Variants in UGCG observed in about 807,000 individuals in gnomAD.
UGCG encodes the protein UDP-glucose ceramide glucosyltransferase, also known as ceramide glucosyltransferase.
A neutral mutation model predicts 49.5 loss-of-function variants in UGCG; 10 were observed. The observed-to-expected ratio is 0.20, with a 90% CI of 0.12 to 0.34. The LOEUF (loss-of-function observed/expected upper bound fraction) is 0.34, where lower values mean the gene tolerates loss of function less well. Among genes scored for constraint, UGCG ranks in the 10% least tolerant of loss-of-function variants. UGCG has a pLI of 1.00. For missense variants in UGCG, 312 were observed against 483.7 expected (o/e 0.65, Z 3.33); for synonymous variants, 182 against 158.2 (o/e 1.15, Z -1.13).
At chr9:111,902,491 T>C (rs116931840) in intron 1 of UGCG, among the ~76,000 whole-genome samples, 3,511 of 152,354 alleles carry the variant, frequency 0.023, 43 homozygotes, top group Non-Finnish European at 0.027. Context: ...AACAGTAATA[T>C]AGTCATGAGT....
intron 2 of UGCG, among the ~76,000 whole-genome samples, chr9:111,919,852 A>G (rs1838188917): frequency 6.6e-6 from 1 of 151,978 alleles, no homozygotes; most frequent in African/African-American, 2.4e-5. Context: ...AACTCTTTAG[A>G]GCAAGCCTGG....
At chr9:111,902,187 G>T (rs1354523454) in intron 1 of UGCG, among the ~76,000 whole-genome samples, 2 of 151,888 alleles carry the variant, frequency 1.3e-5, no homozygotes, top group Non-Finnish European at 2.9e-5. Flanking sequence ...TCCTTATTGG[G>T]TTAGGTGCCC....
intron 1 of UGCG, among the ~76,000 whole-genome samples, chr9:111,907,498 A>G (rs1235235408): frequency 1.3e-5 from 2 of 151,952 alleles, no homozygotes; most frequent in Non-Finnish European, 2.9e-5. Flanking sequence ...TCATTGGTAT[A>G]TTTTCCTGAT....
At chr9:111,918,532 G>T (rs186034499) in intron 2 of UGCG, among the ~76,000 whole-genome samples, 1 of 152,250 alleles carries the variant, frequency 6.6e-6, no homozygotes, top group African/African-American at 2.4e-5. Context: ...ATTTGAGTCT[G>T]AACTTTTTTT....
rs1279772003 is a variant in UGCG at position 111,934,168 on chromosome 9, A to G, written c.*1171A>G. On this transcript the variant is annotated 3_prime_UTR_variant, in exon 9 of 9. Transcript: ENST00000374279. ...TTTTTGTTTTTGTTTGTTTACTATT[A>G]TAGTAAGTCTAGTCTTATTTAAATT... The G allele has an allele frequency of 1.4e-5, 2 of 147,124 alleles. No homozygotes were observed. Among genetic ancestry groups the G allele is most frequent in the African/African-American group, 5.0e-5 (2 of 40,012 alleles). 9.1% of individuals were successfully genotyped at this position (147,124 alleles called of 1,614,324 possible).
chr9:111,897,003 G>A lies in UGCG; in HGVS notation c.-213G>A. 3.7e-6 allele frequency: 1 copy of A among 272,808 alleles called. No individual in the cohort carries two copies. The highest frequency in any genetic ancestry group is 6.7e-6 in the Non-Finnish European group (1 of 148,362). The allele number at this position is 272,808 out of a possible 1,614,324, so 16.9% of individuals were successfully genotyped here. A position where few individuals can be genotyped will look rare whatever the true frequency, so the allele number is the denominator to read the frequency against. The stretch of plus-strand genomic sequence containing the variant: ...GCAGCACCCGCAGCCGCCCGCGAGC[G>A]CGCCGAAGACAGCGCGCAGGCGAGA... On this transcript the variant is annotated 5_prime_UTR_variant, in exon 1 of 9. Transcript: ENST00000374279.
intron 1 of UGCG, among the ~76,000 whole-genome samples, chr9:111,906,314 C>A (rs936330947): frequency 6.6e-6 from 1 of 152,200 alleles, no homozygotes; most frequent in Non-Finnish European, 1.5e-5. Context: ...CCCTCATTAT[C>A]CCTCATTCCC....
intron 2 of UGCG, among the ~76,000 whole-genome samples, chr9:111,916,127 T>C (rs1273829388): frequency 6.7e-6 from 1 of 150,096 alleles, no homozygotes; most frequent in Non-Finnish European, 1.5e-5. Context: ...GAGAAAGATA[T>C]AAATAAAATT....
chr9:111,915,712 ACTT>A, intron 2 of UGCG: 1 of 893,134 alleles, frequency 1.1e-6, no homozygotes. Flanking sequence ...TGCGCACTAC[ACTT>A]CTTATGGTGA....
intron 1 of UGCG, among the ~76,000 whole-genome samples, chr9:111,910,260 C>CA (rs1837971326): frequency 6.6e-6 from 1 of 152,192 alleles, no homozygotes; most frequent in East Asian, 1.9e-4. Context: ...AAAGCCTTGC[C>CA]ACAGGCACTG....
chr9:111,929,736 C>G (rs1838387259), intron 6 of UGCG, 58 bp downstream of exon 6: 3 of 1,584,570 alleles, frequency 1.9e-6, no homozygotes, highest in Non-Finnish European at 2.6e-6. Context: ...TTGGTTTATT[C>G]TTTTTGTTCA....
chr9:111,931,411 G>T, intron 7 of UGCG, 54 bp downstream of exon 7: 7 of 1,560,278 alleles, frequency 4.5e-6, no homozygotes, highest in Middle Eastern at 3.5e-4. Flanking sequence ...GGGGAGGGGG[G>T]TGGTAATTTT....
In UGCG at chr9:111,903,752, C is replaced by T. The variant is rs568235634; in HGVS notation, c.98+6439C>T. Among the ~76,000 whole-genome samples the T allele has an allele frequency of 3.7e-3, 556 of 152,254 alleles. 2 individuals are homozygous for T. Among genetic ancestry groups the T allele is most frequent in the Middle Eastern group, 0.017 (5 of 294 alleles). ...CTGGGACTACAGGCACATGCCACCACGCCTGGCTGATTTTTGTGTTTTTTG... is the reference window on the plus strand; with the variant it reads ...CTGGGACTACAGGCACATGCCACCATGCCTGGCTGATTTTTGTGTTTTTTG... On this transcript the variant is annotated intron_variant, in intron 1 of 8. Transcript: ENST00000374279.
chr9:111,897,695 T>C (rs1021360507), intron 1 of UGCG, among the ~76,000 whole-genome samples: 1 of 151,946 alleles, frequency 6.6e-6, no homozygotes, highest in African/African-American at 2.4e-5. Context: ...TCTGTTAGGG[T>C]GGTGATTGTG....
chr9:111,910,785 G>A (rs1004160444), intron 1 of UGCG, among the ~76,000 whole-genome samples: 4 of 151,976 alleles, frequency 2.6e-5, no homozygotes, highest in African/African-American at 9.7e-5. Context: ...TCTCTCTGTT[G>A]CCCACGCTGA....
chr9:111,924,036 C>G (rs766634335), intron 3 of UGCG, among the ~76,000 whole-genome samples: 2 of 152,174 alleles, frequency 1.3e-5, no homozygotes, highest in Non-Finnish European at 2.9e-5. Context: ...GATCCACCCC[C>G]CTCGACCTCC....
intron 7 of UGCG, 112 bp from the exon 8 acceptor site, chr9:111,932,058 A>G: frequency 8.8e-7 from 1 of 1,130,192 alleles, no homozygotes. Context: ...AAGTTTAAAG[A>G]GAATGGTCTT....
chr9:111,909,163 G>T (rs934628252), intron 1 of UGCG, among the ~76,000 whole-genome samples: 14 of 151,940 alleles, frequency 9.2e-5, no homozygotes, highest in African/African-American at 3.4e-4. Context: ...CAAGTGATCC[G>T]CCTGCCTCAT....
intron 1 of UGCG, among the ~76,000 whole-genome samples, chr9:111,913,151 G>A (rs1349119462): frequency 6.6e-6 from 1 of 152,222 alleles, no homozygotes; most frequent in African/African-American, 2.4e-5. Flanking sequence ...AGTCAGAGCT[G>A]CCATCTGCCT....
Sources: allele counts gnomAD v4.1 joint callset (sites outside exome capture counted in the v4.1 genomes callset), GRCh38; gene constraint gnomAD v4.1.1; transcripts MANE v1.5; gene names NCBI Gene and HGNC (gene_info 2026-07-23, HGNC 2026-07-21).